Variants in COX7B2 observed in about 807,000 individuals in gnomAD.
The protein encoded by COX7B2 is cytochrome c oxidase subunit 7B2, mitochondrial.
For synonymous variants in COX7B2, 37 were observed against 32.1 expected (o/e 1.15, Z -0.51); for missense variants, 109 against 95.9 (o/e 1.14, Z -0.57).
chr4:46,762,431 T>C (rs1716235271), intron 2 of COX7B2, among the ~76,000 whole-genome samples: 1 of 138,032 alleles, frequency 7.2e-6, no homozygotes, highest in East Asian at 2.0e-4. Context: ...ATATATTTAC[T>C]ATATATACTG....
At chr4:46,861,626 A>T (rs1239009079) in intron 1 of COX7B2, among the ~76,000 whole-genome samples, 2 of 152,214 alleles carry the variant, frequency 1.3e-5, no homozygotes, top group Non-Finnish European at 2.9e-5. Flanking sequence ...TTATAAAACT[A>T]TTTTTACAAT....
At chr4:46,749,929 C>T (rs997697504) in intron 2 of COX7B2, among the ~76,000 whole-genome samples, 34 of 152,142 alleles carry the variant, frequency 2.2e-4, no homozygotes, top group African/African-American at 7.5e-4. Flanking sequence ...ACTACCAAAC[C>T]GGATGCTCCT....
At chr4:46,855,477 G>C (rs182600220) in intron 1 of COX7B2, among the ~76,000 whole-genome samples, 68 of 152,050 alleles carry the variant, frequency 4.5e-4, no homozygotes, top group Middle Eastern at 3.4e-3. Context: ...AAAATAAAGA[G>C]AGAAAAGTAT....
chr4:46,903,016 T>C (rs1720163434), intron 1 of COX7B2, among the ~76,000 whole-genome samples: 1 of 152,174 alleles, frequency 6.6e-6, no homozygotes, highest in African/African-American at 2.4e-5. Context: ...GGTCCTGCAA[T>C]GAGATCAAAC....
intron 2 of COX7B2, among the ~76,000 whole-genome samples, chr4:46,746,720 T>G (rs2109416376): frequency 6.6e-6 from 1 of 152,328 alleles, no homozygotes; most frequent in South Asian, 2.1e-4. Context: ...CATGCAGTCT[T>G]TTTAAGCAAC....
At chr4:46,810,715 T>G (rs1451823416) in intron 2 of COX7B2, among the ~76,000 whole-genome samples, 1 of 152,126 alleles carries the variant, frequency 6.6e-6, no homozygotes, top group African/African-American at 2.4e-5. Context: ...AGGATTTGAC[T>G]ATGTATTTGC....
rs76576120 is a variant in COX7B2, at chr4:46,740,953, G to A, written c.-49-5712C>T. 6.3e-3 allele frequency among the ~76,000 whole-genome samples: 965 copies of A among 152,096 alleles called. 14 individuals are homozygous for A. The highest frequency in any genetic ancestry group is 0.022 in the African/African-American group (911 of 41,542). On this transcript the variant is annotated intron_variant, in intron 2 of 2. Transcript: ENST00000355591. ...TCAGAGTTTGGGTGATCTAGGCACC[G>A]AATACTGAAAGGTCAAAGCATACAT...
chr4:46,818,581 G>A (rs893582968), intron 2 of COX7B2, among the ~76,000 whole-genome samples: 3 of 151,556 alleles, frequency 2.0e-5, no homozygotes, highest in Non-Finnish European at 2.9e-5. Flanking sequence ...AGTTTGCAGT[G>A]AGTGAAGATC....
At position 46,744,738 on chromosome 4, in the gene COX7B2, A is replaced by ATTTTT. The variant is rs773481406; in HGVS notation, c.-49-9502_-49-9498dup. On this transcript the variant is annotated intron_variant, in intron 2 of 2. Coordinates refer to ENST00000355591, the MANE Select transcript of COX7B2 (RefSeq NM_130902.3). ...ACTTTTAGATATCAAAGATATTTTA[A>ATTTTT]TTTTTTTTTTTTTTTTTTTTGGGAG... Among the ~76,000 whole-genome samples the ATTTTT allele has an allele frequency of 1.0e-2, 1,244 of 124,532 alleles. 8 individuals are homozygous for ATTTTT. The highest frequency in any genetic ancestry group is 0.024 in the East Asian group (99 of 4,130). 81.7% of individuals were successfully genotyped at this position (124,532 alleles called of 152,430 possible).
intron 2 of COX7B2, among the ~76,000 whole-genome samples, chr4:46,804,284 G>C (rs557111214): frequency 4.6e-5 from 7 of 152,312 alleles, no homozygotes; most frequent in Admixed American, 4.6e-4. Context: ...AAGAGCGAAA[G>C]AACGAAGCTT....
chr4:46,845,074 G>T (rs1167869571), intron 1 of COX7B2, 60 bp from the exon 2 acceptor site: 1 of 151,920 alleles, frequency 6.6e-6, no homozygotes, highest in Non-Finnish European at 1.5e-5. Flanking sequence ...AAAGCCAGAG[G>T]TAAGTACAGG....
intron 1 of COX7B2, among the ~76,000 whole-genome samples, chr4:46,885,033 C>A (rs1046105434): frequency 7.2e-5 from 11 of 152,020 alleles, no homozygotes; most frequent in East Asian, 1.9e-4. Flanking sequence ...AATGCCAATA[C>A]ATATAAATCA....
chr4:46,889,577 G>T (rs1337477534), intron 1 of COX7B2, among the ~76,000 whole-genome samples: 1 of 152,162 alleles, frequency 6.6e-6, no homozygotes, highest in Non-Finnish European at 1.5e-5. Context: ...GCCACAGAGA[G>T]GTGAGAAAGG....
intron 2 of COX7B2, among the ~76,000 whole-genome samples, chr4:46,754,360 A>G (rs1715612171): frequency 6.6e-6 from 1 of 151,406 alleles, no homozygotes; most frequent in Non-Finnish European, 1.5e-5. Flanking sequence ...TGGCACATAT[A>G]CACCATGGAA....
At chr4:46,777,277 G>C (rs185112097) in intron 2 of COX7B2, among the ~76,000 whole-genome samples, 58 of 152,278 alleles carry the variant, frequency 3.8e-4, no homozygotes, top group African/African-American at 1.4e-3. Context: ...ATAAATGGAA[G>C]AGTGATTGAA....
intron 2 of COX7B2, among the ~76,000 whole-genome samples, chr4:46,834,199 A>G (rs996802772): frequency 6.6e-6 from 1 of 152,170 alleles, no homozygotes; most frequent in African/African-American, 2.4e-5. Flanking sequence ...AACTATAAAT[A>G]TAGTATGATC....
intron 2 of COX7B2, among the ~76,000 whole-genome samples, chr4:46,829,031 T>G (rs1156290991): frequency 6.6e-6 from 1 of 152,182 alleles, no homozygotes; most frequent in Non-Finnish European, 1.5e-5. Context: ...TGAAGAAAAC[T>G]ATGAAGACAA....
intron 2 of COX7B2, among the ~76,000 whole-genome samples, chr4:46,772,011 T>C (rs1378064047): frequency 1.3e-5 from 2 of 152,144 alleles, no homozygotes; most frequent in African/African-American, 4.8e-5. Context: ...TGTGGCACTA[T>C]TCACAACATG....
intron 2 of COX7B2, among the ~76,000 whole-genome samples, chr4:46,782,401 T>G (rs1717514186): frequency 2.2e-5 from 1 of 46,408 alleles, no homozygotes; most frequent in African/African-American, 7.4e-5. Context: ...CTTGGAGAAC[T>G]TTTGTGCCTA....
Sources: gnomAD v4.1 joint callset for allele counts (sites outside exome capture counted in the v4.1 genomes callset) on GRCh38, gnomAD v4.1.1 for gene constraint, MANE v1.5 for transcripts, NCBI Gene and HGNC (gene_info 2026-07-23, HGNC 2026-07-21) for gene names.